Variants in CAMK2D observed in about 807,000 individuals in gnomAD.
CAMK2D encodes calcium/calmodulin-dependent protein kinase type II subunit delta.
Under a neutral mutation model 84.0 loss-of-function variants are expected in CAMK2D, and 37 were observed. The ratio of observed to expected loss-of-function variants is 0.44; its 90% CI spans 0.34 to 0.58. The LOEUF is 0.58. Ranked by LOEUF, CAMK2D falls within the 20% of genes least tolerant of loss-of-function variation. The pLI, the probability that CAMK2D is intolerant of heterozygous loss-of-function variation, is 0.02. For synonymous variants in CAMK2D, 202 were observed against 212.5 expected (o/e 0.95, Z 0.43); for missense variants, 448 against 652.5 (o/e 0.69, Z 3.41).
intron 7 of CAMK2D, among the ~76,000 whole-genome samples, chr4:113,536,848 ATAAC>A (rs2154187410): frequency 6.6e-6 from 1 of 152,332 alleles, no homozygotes; most frequent in South Asian, 2.1e-4. Context: ...GACATACAAA[ATAAC>A]TAAGGTGAAA....
chr4:113,499,547 A>G (rs1228238381), intron 16 of CAMK2D, among the ~76,000 whole-genome samples: 1 of 152,208 alleles, frequency 6.6e-6, no homozygotes, highest in Non-Finnish European at 1.5e-5. Context: ...ACTTTATTGT[A>G]TTAACACTAC....
chr4:113,620,360 C>T (rs2099040396), intron 3 of CAMK2D, among the ~76,000 whole-genome samples: 1 of 152,034 alleles, frequency 6.6e-6, no homozygotes, highest in South Asian at 2.1e-4. Context: ...TATTATGATA[C>T]TAGACTTATT....
At chr4:113,613,539 T>G (rs956745876) in intron 3 of CAMK2D, among the ~76,000 whole-genome samples, 1 of 152,056 alleles carries the variant, frequency 6.6e-6, no homozygotes, top group Admixed American at 6.6e-5. Context: ...AGAAAACCAT[T>G]TTGACTGTAG....
chr4:113,706,064 T>C (rs1354929442), intron 2 of CAMK2D, among the ~76,000 whole-genome samples: 3 of 152,192 alleles, frequency 2.0e-5, no homozygotes, highest in Non-Finnish European at 2.9e-5. Context: ...GCTGGTAAAG[T>C]AGTTAAGAAA....
intron 2 of CAMK2D, among the ~76,000 whole-genome samples, chr4:113,690,218 C>A (rs1359649030): frequency 6.6e-6 from 1 of 152,146 alleles, no homozygotes; most frequent in Non-Finnish European, 1.5e-5. Context: ...TAATTCACCT[C>A]CAATGCAACC....
At chr4:113,565,419 G>T (rs927595233) in intron 4 of CAMK2D, among the ~76,000 whole-genome samples, 1 of 152,180 alleles carries the variant, frequency 6.6e-6, no homozygotes, top group African/African-American at 2.4e-5. Flanking sequence ...GGGAGGCCAA[G>T]GCGGGTGGAT....
At chr4:113,720,647 G>A (rs954357368) in intron 2 of CAMK2D, among the ~76,000 whole-genome samples, 2 of 151,918 alleles carry the variant, frequency 1.3e-5, no homozygotes, top group Non-Finnish European at 2.9e-5. Context: ...AGCTGCTTAT[G>A]AAAGGGCATA....
rs956720808 is a variant in CAMK2D at position 113,698,666 on chromosome 4, C to A, written c.161-36894G>T. 1.8e-4 allele frequency among the ~76,000 whole-genome samples: 27 copies of A among 152,134 alleles called. No homozygotes were observed. The East Asian group carries it at 4.6e-3, about 26-fold the overall frequency. On this transcript the variant is annotated intron_variant, in intron 2 of 20. Coordinates refer to ENST00000511664, the MANE Select transcript of CAMK2D (RefSeq NM_001321571.2). ...CCAAGAAAATCCCTTCTTCTCCACC[C>A]CTGGCTCCTTTAATCCCATTCTCCA...
intron 16 of CAMK2D, among the ~76,000 whole-genome samples, chr4:113,466,880 A>T (rs952579993): frequency 6.6e-6 from 1 of 152,178 alleles, no homozygotes; most frequent in Non-Finnish European, 1.5e-5. Flanking sequence ...CTTGTTTTAA[A>T]TTGTTATTAA....
At chr4:113,514,444 A>G (rs1223741853) in intron 10 of CAMK2D, among the ~76,000 whole-genome samples, 1 of 152,176 alleles carries the variant, frequency 6.6e-6, no homozygotes, top group Non-Finnish European at 1.5e-5. Context: ...CAGAAAGTAT[A>G]GAAATGAATA....
chr4:113,497,455 C>T (rs1007241165), intron 16 of CAMK2D, among the ~76,000 whole-genome samples: 1 of 152,316 alleles, frequency 6.6e-6, no homozygotes, highest in Non-Finnish European at 1.5e-5. Context: ...GCCTTTAAAT[C>T]TTGGCTTTCT....
chr4:113,541,845 T>C (rs576636271), intron 6 of CAMK2D, among the ~76,000 whole-genome samples: 1 of 152,320 alleles, frequency 6.6e-6, no homozygotes, highest in Non-Finnish European at 1.5e-5. Flanking sequence ...TATTTCTTTT[T>C]TTTTTAGTTT....
chr4:113,502,465 A>G (rs1020943471), intron 15 of CAMK2D, among the ~76,000 whole-genome samples: 2 of 151,564 alleles, frequency 1.3e-5, no homozygotes. Context: ...AAACCAAAAA[A>G]AAAAAAAACA....
intron 2 of CAMK2D, among the ~76,000 whole-genome samples, chr4:113,741,948 C>T (rs1183680823): frequency 6.6e-6 from 1 of 152,194 alleles, no homozygotes; most frequent in Admixed American, 6.5e-5. Flanking sequence ...TGCCTCAGCT[C>T]AAATGCTTCT....
At chr4:113,543,177 CAT>C (rs2098542665) in intron 6 of CAMK2D, among the ~76,000 whole-genome samples, 1 of 152,188 alleles carries the variant, frequency 6.6e-6, no homozygotes, top group African/African-American at 2.4e-5. Context: ...TCAACTAAGT[CAT>C]AGAAATTGTA....
At chr4:113,748,737 C>G (rs1472451996) in intron 2 of CAMK2D, among the ~76,000 whole-genome samples, 1 of 151,920 alleles carries the variant, frequency 6.6e-6, no homozygotes, top group Non-Finnish European at 1.5e-5. Flanking sequence ...AAGAAAGTGA[C>G]AAAATGTTAA....
chr4:113,463,989 A>C (rs968104584), intron 17 of CAMK2D, among the ~76,000 whole-genome samples: 30 of 152,230 alleles, frequency 2.0e-4, no homozygotes, highest in Admixed American at 1.4e-3. Context: ...GAGACTTTAT[A>C]AAAGCTTTCA....
At chr4:113,726,184 T>C (rs888332139) in intron 2 of CAMK2D, among the ~76,000 whole-genome samples, 1 of 152,156 alleles carries the variant, frequency 6.6e-6, no homozygotes, top group African/African-American at 2.4e-5. Flanking sequence ...ATATTACTCC[T>C]CCAAAATTAA....
In CAMK2D at chr4:113,513,423, C is replaced by T. The variant is rs964104008; in HGVS notation, c.904-53G>A. On this transcript the variant is annotated intron_variant, in intron 11 of 20. Coordinates refer to ENST00000511664, the MANE Select transcript of CAMK2D (RefSeq NM_001321571.2). Reference sequence around the variant, plus strand: ...CAGTGTTGCCTATGCAAATTCTGGACCTAACAAATATAGAGTCTTTGATAA... The same window carrying T: ...CAGTGTTGCCTATGCAAATTCTGGATCTAACAAATATAGAGTCTTTGATAA... 14 of 1,102,664 alleles carry T rather than the reference C, an allele frequency of 1.3e-5. No individual in the cohort carries two copies. In the African/African-American group the frequency reaches 2.2e-4, roughly 17 times the overall value. The allele number at this position is 1,102,664 out of a possible 1,614,324, so 68.3% of individuals were successfully genotyped here. A position where few individuals can be genotyped will look rare whatever the true frequency, so the allele number is the denominator to read the frequency against.
Sources: allele counts gnomAD v4.1 joint callset (sites outside exome capture counted in the v4.1 genomes callset), GRCh38; gene constraint gnomAD v4.1.1; transcripts MANE v1.5; gene names NCBI Gene and HGNC (gene_info 2026-07-23, HGNC 2026-07-21).